ZDHHC22: variants seen among roughly 807,000 people sequenced by gnomAD.
ZDHHC22 encodes the protein palmitoyltransferase ZDHHC22.
Under a neutral mutation model 17.0 loss-of-function variants are expected in ZDHHC22, and 13 were observed. That is an observed-to-expected ratio of 0.76 (90% CI 0.50 to 1.21). The LOEUF is 1.21. Among genes scored for constraint, ZDHHC22 ranks in the 50% most tolerant of loss-of-function variants. The pLI is 0.00. For synonymous variants in ZDHHC22, 138 were observed against 154.7 expected (o/e 0.89, Z 0.80); for missense variants, 319 against 342.3 (o/e 0.93, Z 0.54).
chr14:77,136,744 A>G (rs1033802556), intron 2 of ZDHHC22, among the ~76,000 whole-genome samples: 6 of 152,154 alleles, frequency 3.9e-5, no homozygotes, highest in African/African-American at 1.2e-4. Flanking sequence ...GATCTGTACC[A>G]CAGTTGGGGA....
At chr14:77,138,948 T>C (rs1374548630) in intron 2 of ZDHHC22, among the ~76,000 whole-genome samples, 3 of 152,200 alleles carry the variant, frequency 2.0e-5, no homozygotes, top group African/African-American at 7.2e-5. Context: ...CAAGGGGGGA[T>C]GTTACCAATA....
intron 2 of ZDHHC22, among the ~76,000 whole-genome samples, chr14:77,137,669 C>T (rs544995249): frequency 1.9e-4 from 29 of 152,204 alleles, no homozygotes; most frequent in African/African-American, 5.8e-4. Context: ...AGGCAGCCCC[C>T]GTAGCTGGGT....
At chr14:77,137,471 A>G (rs1462241848) in intron 2 of ZDHHC22, among the ~76,000 whole-genome samples, 1 of 152,190 alleles carries the variant, frequency 6.6e-6, no homozygotes, top group African/African-American at 2.4e-5. Context: ...TTGGAAAAGA[A>G]AGTATAAGCA....
intron 1 of ZDHHC22, chr14:77,141,169 G>C (rs1294909524): frequency 7.9e-5 from 12 of 152,256 alleles, no homozygotes; most frequent in African/African-American, 2.9e-4. Context: ...GTCCTGCGCC[G>C]CCGGGGGCTG....
Position 77,133,637 on chromosome 14 carries a change from G to C in ZDHHC22, c.*46C>G. ...CAAGGCTGCCATGGTTTTATGCTCA[G>C]GAGGAGTCAAGACAGAGACAGAGAG... On this transcript the variant is annotated 3_prime_UTR_variant, in exon 3 of 3. Coordinates refer to ENST00000319374, the MANE Select transcript of ZDHHC22 (RefSeq NM_174976.2). The C allele has an allele frequency of 6.3e-7, 1 of 1,578,338 alleles. No individual in the cohort carries two copies. Among genetic ancestry groups the C allele is most frequent in the Non-Finnish European group, 8.6e-7 (1 of 1,161,346 alleles).
intron 2 of ZDHHC22, among the ~76,000 whole-genome samples, chr14:77,137,888 C>T (rs1466925015): frequency 6.6e-6 from 1 of 152,144 alleles, no homozygotes; most frequent in Non-Finnish European, 1.5e-5. Flanking sequence ...TCCTAGAAGG[C>T]CAACAGGTGA....
chr14:77,139,849 C>T, intron 1 of ZDHHC22, 97 bp from the exon 2 acceptor site: 1 of 1,243,540 alleles, frequency 8.0e-7, no homozygotes, highest in Non-Finnish European at 1.1e-6. Flanking sequence ...GCACTGCACG[C>T]GACTCCACGC....
chr14:77,135,172 C>G (rs932001206), intron 2 of ZDHHC22, among the ~76,000 whole-genome samples: 1 of 111,942 alleles, frequency 8.9e-6, no homozygotes, highest in African/African-American at 3.0e-5. Context: ...TGTAGGGCAA[C>G]CCTATCACCT....
intron 2 of ZDHHC22, among the ~76,000 whole-genome samples, chr14:77,138,805 C>A (rs1887186150): frequency 6.6e-6 from 1 of 152,172 alleles, no homozygotes; most frequent in Admixed American, 6.5e-5. Context: ...AATGTCATAG[C>A]ATGGTTGTAC....
chr14:77,133,854 C>T lies in ZDHHC22; in HGVS notation c.621G>A (p.Leu207=), dbSNP rs1887082041. 1.2e-6 allele frequency: 2 copies of T among 1,613,162 alleles called. No homozygotes were observed. Among genetic ancestry groups the T allele is most frequent in the South Asian group, 1.1e-5 (1 of 91,032 alleles). The change falls in exon 3 of 3, where the codon CTG becomes CTA. Residue 207 remains leucine (L), a synonymous_variant. Transcript: ENST00000319374. Reference sequence around the variant, plus strand: ...GGGTCTGCCCGCGGAGGATCAACAGCAGCTGGTGGCAGCAGAAGCCGGCGC... The same window carrying T: ...GGGTCTGCCCGCGGAGGATCAACAGTAGCTGGTGGCAGCAGAAGCCGGCGC... ...LACAGFCCHQ[L]LLILRGQTRH...
rs1184189123 is a variant in ZDHHC22, at chr14:77,132,955, T to C, written c.*728A>G. The C allele has an allele frequency of 2.0e-5, 3 of 151,968 alleles. No individual in the cohort carries two copies. In the East Asian group the frequency reaches 5.8e-4, roughly 29 times the overall value. 9.4% of individuals were successfully genotyped at this position (151,968 alleles called of 1,614,324 possible). A position where few individuals can be genotyped will look rare whatever the true frequency, so the allele number is the denominator to read the frequency against. ...CTGGCAAAGACCTGGGGGCTGGAGA[T>C]CAAGTAGAAAGGCTGGAAGAGTTCC... On this transcript the variant is annotated 3_prime_UTR_variant, in exon 3 of 3. Transcript: ENST00000319374.
rs1566810939 is a variant in ZDHHC22, at chr14:77,133,766, C to A, written c.709G>T (p.Val237Phe). ...CCCAGCAGCCACCTCTTTCCGAAGA[C>A]CTCTTGTAAGTTCTTGCGCCAGGGC... is the stretch of plus-strand genomic sequence containing the variant. ...ARPWRKNLQE[V>F]FGKRWLLGLL... Residue 237 changes from valine to phenylalanine, a missense_variant, in exon 3 of 3, where the codon GTC (valine) becomes TTC (phenylalanine). Transcript: ENST00000319374. 6.2e-7 allele frequency: 1 copy of A among 1,614,042 alleles called. No homozygotes were observed. Among genetic ancestry groups the A allele is most frequent in the Non-Finnish European group, 8.5e-7 (1 of 1,179,900 alleles).
chr14:77,135,678 G>A (rs1437941893), intron 2 of ZDHHC22, among the ~76,000 whole-genome samples: 1 of 152,194 alleles, frequency 6.6e-6, no homozygotes, highest in African/African-American at 2.4e-5. Context: ...TCTTTGGCGT[G>A]AGGAATGCTG....
At position 77,133,620 on chromosome 14, in the gene ZDHHC22, C is replaced by T. The variant is rs940432826; in HGVS notation, c.*63G>A. Reference sequence around the variant, plus strand: ...TGAGTCATGGGTGGAGACAAGGCTGCCATGGTTTTATGCTCAGGAGGAGTC... The same window carrying T: ...TGAGTCATGGGTGGAGACAAGGCTGTCATGGTTTTATGCTCAGGAGGAGTC... On this transcript the variant is annotated 3_prime_UTR_variant, in exon 3 of 3. Coordinates refer to ENST00000319374, the MANE Select transcript of ZDHHC22 (RefSeq NM_174976.2). 1 of 1,559,058 alleles carries T rather than the reference C, an allele frequency of 6.4e-7. No homozygotes were observed. The highest frequency in any genetic ancestry group is 1.8e-5 in the Admixed American group (1 of 54,874).
Position 77,140,461 on chromosome 14 carries a change from C to T in ZDHHC22, c.-14-709G>A, listed in dbSNP as rs1004790127. On this transcript the variant is annotated intron_variant, in intron 1 of 2. Coordinates refer to ENST00000319374, the MANE Select transcript of ZDHHC22 (RefSeq NM_174976.2). The surrounding 1 kb of genome is among the most constrained non-coding windows in gnomAD (Gnocchi z 5.9). Reference sequence around the variant, plus strand: ...CAGACACGCAGCCTCTGCTATCTAGCTTTAAAAAAATCAATTGAAACAATC... The same window carrying T: ...CAGACACGCAGCCTCTGCTATCTAGTTTTAAAAAAATCAATTGAAACAATC... 6.6e-6 allele frequency: 1 copy of T among 152,132 alleles called. No homozygotes were observed. Among genetic ancestry groups the T allele is most frequent in the Non-Finnish European group, 1.5e-5 (1 of 68,030 alleles). 9.4% of individuals were successfully genotyped at this position (152,132 alleles called of 1,614,324 possible).
Position 77,133,791 on chromosome 14 carries a change from C to T in ZDHHC22, c.684G>A (p.Arg228=). The change falls in exon 3 of 3, where the codon CGG becomes CGA. Residue 228 remains arginine, a synonymous_variant. Transcript: ENST00000319374. ...QVRKGVAVRA[R]PWRKNLQEVF... The stretch of plus-strand genomic sequence containing the variant: ...CCTCTTGTAAGTTCTTGCGCCAGGG[C>T]CGGGCCCTCACTGCCACCCCCTTCC... The T allele has an allele frequency of 6.2e-7, 1 of 1,614,018 alleles. No homozygotes were observed. The highest frequency in any genetic ancestry group is 8.5e-7 in the Non-Finnish European group (1 of 1,179,900).
At chr14:77,137,846 A>G (rs1266764574) in intron 2 of ZDHHC22, among the ~76,000 whole-genome samples, 2 of 152,194 alleles carry the variant, frequency 1.3e-5, no homozygotes, top group East Asian at 3.9e-4. Flanking sequence ...TTGGGCTTTC[A>G]GAGGAAGTAG....
At chr14:77,138,322 C>G (rs1811782178) in intron 2 of ZDHHC22, among the ~76,000 whole-genome samples, 1 of 152,158 alleles carries the variant, frequency 6.6e-6, no homozygotes, top group Non-Finnish European at 1.5e-5. Flanking sequence ...CTTTGGGAGG[C>G]CAAGGTGGGC....
Position 77,131,901 on chromosome 14 carries a change from T to C in ZDHHC22, c.*1782A>G, listed in dbSNP as rs1002005856. The stretch of plus-strand genomic sequence containing the variant: ...AAGGAATGAGTATGGGAGGGAGAAA[T>C]GTGAGCAGGTGGAGCCAATACTACA... On this transcript the variant is annotated 3_prime_UTR_variant, in exon 3 of 3. Transcript: ENST00000319374. 1 of 152,078 alleles carries C rather than the reference T, an allele frequency of 6.6e-6. No homozygotes were observed. The allele number at this position is 152,078 out of a possible 1,614,324, so 9.4% of individuals were successfully genotyped here.
Sources: allele counts gnomAD v4.1 joint callset (sites outside exome capture counted in the v4.1 genomes callset), GRCh38; gene constraint gnomAD v4.1.1; non-coding constraint Gnocchi (gnomAD v3.1); transcripts MANE v1.5; gene names NCBI Gene and HGNC (gene_info 2026-07-23, HGNC 2026-07-21).